Variants in AP2B1 observed in about 807,000 individuals in gnomAD.
The protein encoded by AP2B1 is AP-2 complex subunit beta.
AP2B1 carries 23 observed loss-of-function variants against 102.0 expected under a neutral mutation model. That is an observed-to-expected ratio of 0.23 (90% CI 0.16 to 0.32). The LOEUF (loss-of-function observed/expected upper bound fraction) is 0.32. Ranked by LOEUF, AP2B1 falls within the 10% of genes least tolerant of loss-of-function variation. The pLI, the probability that AP2B1 is intolerant of heterozygous loss-of-function variation, is 1.00. For synonymous variants in AP2B1, 381 were observed against 421.2 expected (o/e 0.90, Z 1.17); for missense variants, 541 against 1,157.4 (o/e 0.47, Z 7.73).
chr17:35,660,091 A>G (rs2075323722), intron 14 of AP2B1: 1 of 983,530 alleles, frequency 1.0e-6, no homozygotes, highest in Non-Finnish European at 1.2e-6. Flanking sequence ...GTGCTTCTCA[A>G]AATAAATTAT....
At chr17:35,723,196 G>T (rs587662091) in intron 21 of AP2B1, among the ~76,000 whole-genome samples, 1 of 152,310 alleles carries the variant, frequency 6.6e-6, no homozygotes, top group Admixed American at 6.5e-5. Context: ...TCCTCCTGAA[G>T]TTGGGACTGA....
intron 10 of AP2B1, among the ~76,000 whole-genome samples, chr17:35,637,334 G>A (rs1433690390): frequency 1.3e-5 from 2 of 152,040 alleles, no homozygotes; most frequent in Non-Finnish European, 2.9e-5. Flanking sequence ...ACAGGTGCAT[G>A]CCACCATGTC....
At chr17:35,607,954 C>G (rs1406037899) in intron 4 of AP2B1, 188 bp from the exon 5 acceptor site, 7 of 665,958 alleles carry the variant, frequency 1.1e-5, no homozygotes, top group Non-Finnish European at 1.7e-5. Flanking sequence ...GACTTCTTCA[C>G]CTAAACTCTT....
At chr17:35,711,957 C>G (rs1598350344) in intron 20 of AP2B1, among the ~76,000 whole-genome samples, 2 of 152,146 alleles carry the variant, frequency 1.3e-5, no homozygotes, top group Non-Finnish European at 1.5e-5. Context: ...TCCTGGAACC[C>G]TCAGAATAAA....
intron 3 of AP2B1, among the ~76,000 whole-genome samples, chr17:35,604,455 T>TG (rs1220945064): frequency 1.3e-5 from 2 of 149,458 alleles, no homozygotes; most frequent in Non-Finnish European, 3.0e-5. Context: ...ATAAAGGTAG[T>TG]GGAAAAAAAA....
chr17:35,603,874 G>A (rs772930417), intron 3 of AP2B1, among the ~76,000 whole-genome samples: 8 of 152,134 alleles, frequency 5.3e-5, no homozygotes, highest in East Asian at 3.9e-4. Context: ...AGCCACCCGC[G>A]AAAAGTCAGC....
intron 14 of AP2B1, among the ~76,000 whole-genome samples, chr17:35,667,066 CT>C (rs1251867789): frequency 1.3e-5 from 2 of 152,232 alleles, no homozygotes; most frequent in African/African-American, 2.4e-5. Flanking sequence ...TTCTAGCTTT[CT>C]TTTTTCTTGA....
intron 18 of AP2B1, among the ~76,000 whole-genome samples, chr17:35,705,878 C>T (rs587664731): frequency 7.0e-4 from 106 of 152,204 alleles, no homozygotes; most frequent in African/African-American, 2.5e-3. Context: ...TTCTACAGTA[C>T]TTATGAGTCA....
At chr17:35,685,562 A>G (rs962935851) in intron 18 of AP2B1, among the ~76,000 whole-genome samples, 3 of 152,196 alleles carry the variant, frequency 2.0e-5, no homozygotes, top group African/African-American at 7.2e-5. Flanking sequence ...GGATTGAGGA[A>G]ATGAAATTTT....
chr17:35,593,965 A>AT lies in AP2B1; in HGVS notation c.-23-42dup, dbSNP rs1303659898. ...TAAAATTAATTGGATGCCTTGTTGG[A>AT]TATCTATAACCTGAATGAAGGAATT... On this transcript the variant is annotated intron_variant, in intron 1 of 21. Coordinates refer to ENST00000610402, the MANE Select transcript of AP2B1 (RefSeq NM_001030006.2). 11 of 1,060,520 alleles carry AT rather than the reference A, an allele frequency of 1.0e-5. No individual in the cohort carries two copies. The East Asian group carries it at 2.5e-4, about 24-fold the overall frequency. The allele number at this position is 1,060,520 out of a possible 1,614,324, so 65.7% of individuals were successfully genotyped here.
rs115073330 is a variant in AP2B1, at chr17:35,611,878, T to C, written c.525+3491T>C. Among the ~76,000 whole-genome samples the C allele has an allele frequency of 8.8e-3, 1,344 of 152,340 alleles. 22 individuals are homozygous for C. Among genetic ancestry groups the C allele is most frequent in the African/African-American group, 0.031 (1,272 of 41,570 alleles). On this transcript the variant is annotated intron_variant, in intron 5 of 21. Coordinates refer to ENST00000610402, the MANE Select transcript of AP2B1 (RefSeq NM_001030006.2). ...TGAATAGGTCTCTATTTGAATTTAG[T>C]ATATCATAATATTATAGTAAACTGT...
chr17:35,707,714 A>G (rs2076373375), intron 18 of AP2B1, among the ~76,000 whole-genome samples: 1 of 152,010 alleles, frequency 6.6e-6, no homozygotes, highest in Non-Finnish European at 1.5e-5. Flanking sequence ...CATCCTCCCA[A>G]AGTGCTGGGA....
Position 35,717,244 on chromosome 17 carries a change from G to A in AP2B1, c.2676G>A (p.Lys892=), listed in dbSNP as rs1555590444. 2 of 1,614,174 alleles carry A rather than the reference G, an allele frequency of 1.2e-6. No individual in the cohort carries two copies. Among genetic ancestry groups the A allele is most frequent in the South Asian group, 1.1e-5 (1 of 91,088 alleles). Residue 892 remains lysine (K), a synonymous_variant, in exon 21 of 22, where the codon AAG becomes AAA. Coordinates refer to ENST00000610402, the MANE Select transcript of AP2B1 (RefSeq NM_001030006.2). ...ACAACAATGTTTATACTATTGCCAA[G>A]AGGAATGTGGAAGGGCAGGACATGC... ...LQNNNVYTIA[K]RNVEGQDMLY...
intron 10 of AP2B1, among the ~76,000 whole-genome samples, chr17:35,638,804 A>G (rs1037033546): frequency 1.3e-5 from 2 of 151,838 alleles, no homozygotes; most frequent in South Asian, 2.1e-4. Flanking sequence ...AAAAAAAAAA[A>G]AAAGAAAGCT....
chr17:35,671,733 C>A, intron 15 of AP2B1, 21 bp from the exon 16 acceptor site: 1 of 1,611,968 alleles, frequency 6.2e-7, no homozygotes, highest in Non-Finnish European at 8.5e-7. Flanking sequence ...CTCCCCTCTC[C>A]CTTTTTTTTT....
At chr17:35,660,622 A>G (rs2075338689) in intron 14 of AP2B1, among the ~76,000 whole-genome samples, 1 of 151,474 alleles carries the variant, frequency 6.6e-6, no homozygotes, top group Non-Finnish European at 1.5e-5. Context: ...AGCTGGGATT[A>G]CAGGTGCCCG....
intron 21 of AP2B1, among the ~76,000 whole-genome samples, chr17:35,719,497 C>G (rs587757910): frequency 2.6e-4 from 39 of 152,308 alleles, no homozygotes; most frequent in African/African-American, 7.9e-4. Flanking sequence ...CATGTAACCT[C>G]TTAAGATTGT....
At chr17:35,702,253 G>A (rs1049164068) in intron 18 of AP2B1, among the ~76,000 whole-genome samples, 10 of 152,158 alleles carry the variant, frequency 6.6e-5, no homozygotes, top group African/African-American at 1.9e-4. Flanking sequence ...AGGTTGGGTG[G>A]TACAGTTTTA....
chr17:35,711,758 A>C (rs2076457035), intron 20 of AP2B1, among the ~76,000 whole-genome samples: 1 of 152,222 alleles, frequency 6.6e-6, no homozygotes, highest in Non-Finnish European at 1.5e-5. Flanking sequence ...GGCATGAGCC[A>C]CTGCACCCAG....
Sources: allele counts gnomAD v4.1 joint callset (sites outside exome capture counted in the v4.1 genomes callset), GRCh38; gene constraint gnomAD v4.1.1; transcripts MANE v1.5; gene names NCBI Gene and HGNC (gene_info 2026-07-23, HGNC 2026-07-21).